Variants in LAMC2 observed in about 807,000 individuals in gnomAD.
The protein encoded by LAMC2 is laminin subunit gamma 2.
A neutral mutation model predicts 140.2 loss-of-function variants in LAMC2; 97 were observed. The observed-to-expected ratio is 0.69, with a 90% confidence interval of 0.59 to 0.82. The LOEUF (loss-of-function observed/expected upper bound fraction) is 0.82. LAMC2 is among the 40% of genes least tolerant of loss of function. The probability of loss-of-function intolerance (pLI) is 0.00; values close to 1 mark genes in which losing one functional copy is unlikely to be tolerated. For missense variants in LAMC2, 1,402 were observed against 1,476.1 expected (o/e 0.95, Z 0.82); for synonymous variants, 513 against 540.2 (o/e 0.95, Z 0.70).
Position 183,240,122 on chromosome 1 carries a change from G to C in LAMC2, c.3152G>C (p.Ser1051Thr), listed in dbSNP as rs1660085908. 2 of 1,614,220 alleles carry C rather than the reference G, an allele frequency of 1.2e-6. No individual in the cohort carries two copies. Among genetic ancestry groups the C allele is most frequent in the South Asian group, 1.1e-5 (1 of 91,082 alleles). Residue 1051 changes from serine to threonine, a missense_variant, in exon 21 of 23, where the codon AGT becomes ACT. Transcript: ENST00000264144. Reference sequence around the variant, plus strand: ...GAAAAGGGACTGGCCTCTCTGAAGAGTGAGATGAGGGAAGTGGAAGGAGAG... The same window carrying C: ...GAAAAGGGACTGGCCTCTCTGAAGACTGAGATGAGGGAAGTGGAAGGAGAG... ...AMEKGLASLK[S>T]EMREVEGELE...
intron 3 of LAMC2, among the ~76,000 whole-genome samples, chr1:183,216,959 C>T (rs571054831): frequency 1.3e-5 from 2 of 152,226 alleles, no homozygotes; most frequent in African/African-American, 4.8e-5. Context: ...TTCTGAGCAC[C>T]CGGTAGATGC....
chr1:183,223,481 A>T (rs982324000), intron 7 of LAMC2, among the ~76,000 whole-genome samples, 157 bp downstream of exon 7: 2 of 152,192 alleles, frequency 1.3e-5, no homozygotes, highest in African/African-American at 4.8e-5. Flanking sequence ...AAAGGACATG[A>T]TTCCTTCCCT....
Position 183,237,467 on chromosome 1 carries a change from C to G in LAMC2, c.2717C>G (p.Ala906Gly). Residue 906 changes from alanine to glycine, a missense_variant, in exon 18 of 23, where the codon GCA becomes GGA. Coordinates refer to ENST00000264144, the MANE Select transcript of LAMC2 (RefSeq NM_005562.3). ...AATCTGGGAAACTGGAAAGAAGAAGCACAGCAGCTCTTACAGAATGGAAAA... is the reference window on the plus strand; with the variant it reads ...AATCTGGGAAACTGGAAAGAAGAAGGACAGCAGCTCTTACAGAATGGAAAA... The part of the protein sequence containing the change: ...QKNLGNWKEE[A>G]QQLLQNGKSG... 1 of 1,614,130 alleles carries G rather than the reference C, an allele frequency of 6.2e-7. No individual in the cohort carries two copies. Among genetic ancestry groups the G allele is most frequent in the South Asian group, 1.1e-5 (1 of 91,074 alleles).
At chr1:183,238,273 T>C in intron 18 of LAMC2, 34 bp from the exon 19 acceptor site, 1 of 1,499,146 alleles carries the variant, frequency 6.7e-7, no homozygotes, top group Non-Finnish European at 9.3e-7. Context: ...AGGAATGTAC[T>C]TCCTCTAATC....
intron 1 of LAMC2, among the ~76,000 whole-genome samples, chr1:183,203,560 A>G (rs1658790447): frequency 7.0e-6 from 1 of 142,248 alleles, no homozygotes; most frequent in African/African-American, 2.6e-5. Context: ...ATGGTTTGAG[A>G]GAGACCATTT....
At chr1:183,233,331 G>C (rs1441476143) in intron 14 of LAMC2, among the ~76,000 whole-genome samples, 1 of 152,120 alleles carries the variant, frequency 6.6e-6, no homozygotes, top group Non-Finnish European at 1.5e-5. Flanking sequence ...AACAAAGGAA[G>C]AGAGTAGGGA....
At position 183,243,500 on chromosome 1, in the gene LAMC2, G is replaced by T. The variant is rs1660182779; in HGVS notation, c.*100G>T. Reference sequence around the variant, plus strand: ...GGGTGGGATGGGGACATTTGAACATGTTTAATGGGTATGCTCAGGTCAACT... The same window carrying T: ...GGGTGGGATGGGGACATTTGAACATTTTTAATGGGTATGCTCAGGTCAACT... On this transcript the variant is annotated 3_prime_UTR_variant, in exon 23 of 23. Coordinates refer to ENST00000264144, the MANE Select transcript of LAMC2 (RefSeq NM_005562.3). 2 of 1,451,656 alleles carry T rather than the reference G, an allele frequency of 1.4e-6. No homozygotes were observed. Among genetic ancestry groups the T allele is most frequent in the South Asian group, 1.1e-5 (1 of 87,090 alleles). The allele number at this position is 1,451,656 out of a possible 1,614,324, so 89.9% of individuals were successfully genotyped here.
At position 183,237,445 on chromosome 1, in the gene LAMC2, C is replaced by G; in HGVS notation, c.2695C>G (p.Leu899Val). The change falls in exon 18 of 23, where the codon CTG becomes GTG. Residue 899 changes from leucine (L) to valine (V), a missense_variant. Physicochemically the swap from Leu to Val is conservative, Grantham distance 32. Around this residue, in one of 3 missense-constraint regions of LAMC2, gnomAD observed 670 missense variants for 667.2 expected, o/e 1.00. Transcript: ENST00000264144. ...MDEFKRTQKN[L>V]GNWKEEAQQL... ...TGAGTTCAAGCGTACACAGAAGAATCTGGGAAACTGGAAAGAAGAAGCACA... is the reference window on the plus strand; with the variant it reads ...TGAGTTCAAGCGTACACAGAAGAATGTGGGAAACTGGAAAGAAGAAGCACA... The G allele has an allele frequency of 6.2e-7, 1 of 1,614,132 alleles. No homozygotes were observed.
In LAMC2 at chr1:183,207,850, T is replaced by G. The variant is rs1553264607; in HGVS notation, c.80-31T>G. ...TTCCTGAGGTGTTTTTTTTTTTTTT[T>G]GACGATCTCTTTTGTATGCTTCCTC... On this transcript the variant is annotated intron_variant, in intron 1 of 22. Transcript: ENST00000264144. The G allele has an allele frequency of 5.7e-6, 9 of 1,568,794 alleles. No individual in the cohort carries two copies. In the South Asian group the frequency reaches 1.0e-4, roughly 18 times the overall value.
In LAMC2 at chr1:183,190,090, A is replaced by G. The variant is rs1449729617; in HGVS notation, c.79+3659A>G. 3.3e-5 allele frequency among the ~76,000 whole-genome samples: 5 copies of G among 152,198 alleles called. No individual in the cohort carries two copies. In the East Asian group the frequency reaches 7.7e-4, roughly 23 times the overall value. On this transcript the variant is annotated intron_variant, in intron 1 of 22. Transcript: ENST00000264144. ...CTGCCTGGGTTCAAATCCCAGCCCTATCATGTACCATTGTGGCACATTTAT... is the reference window on the plus strand; with the variant it reads ...CTGCCTGGGTTCAAATCCCAGCCCTGTCATGTACCATTGTGGCACATTTAT...
chr1:183,222,302 A>T, intron 6 of LAMC2, 91 bp downstream of exon 6: 1 of 1,445,240 alleles, frequency 6.9e-7, no homozygotes. Context: ...TGGAAACCAT[A>T]TAACTTTGGG....
intron 8 of LAMC2, among the ~76,000 whole-genome samples, chr1:183,226,102 G>T (rs2102228880): frequency 6.7e-6 from 1 of 150,312 alleles, no homozygotes; most frequent in South Asian, 2.1e-4. Flanking sequence ...TATACTCCAT[G>T]CTAGCCTGTC....
chr1:183,225,438 G>A (rs1165770677), intron 7 of LAMC2, among the ~76,000 whole-genome samples, 170 bp from the exon 8 acceptor site: 1 of 152,168 alleles, frequency 6.6e-6, no homozygotes, highest in Non-Finnish European at 1.5e-5. Context: ...CCCATGGAGT[G>A]AGGAAGGTCC....
chr1:183,236,401 A>T (rs2102246736), intron 16 of LAMC2, 59 bp from the exon 17 acceptor site: 1 of 1,525,550 alleles, frequency 6.6e-7, no homozygotes, highest in Non-Finnish European at 8.9e-7. Context: ...AAAAAAAAAA[A>T]AAAAAGAATT....
At chr1:183,190,590 C>T (rs1658300368) in intron 1 of LAMC2, among the ~76,000 whole-genome samples, 1 of 152,258 alleles carries the variant, frequency 6.6e-6, no homozygotes, top group African/African-American at 2.4e-5. Context: ...GATCATCTCT[C>T]ATTTCCCAAT....
At chr1:183,247,544 A>C (rs1571547134), downstream of LAMC2, among the ~76,000 whole-genome samples, 1 of 151,370 alleles carries the variant, frequency 6.6e-6, no homozygotes, top group South Asian at 2.1e-4. Flanking sequence ...AAAAAAAAAA[A>C]GATAAAAGAA....
In LAMC2 at chr1:183,220,813, A is replaced by G; in HGVS notation, c.504-12A>G. The G allele has an allele frequency of 1.2e-6, 2 of 1,613,158 alleles. No individual in the cohort carries two copies. Among genetic ancestry groups the G allele is most frequent in the South Asian group, 2.2e-5 (2 of 91,064 alleles). On this transcript the variant is annotated splice_polypyrimidine_tract_variant and intron_variant, in intron 4 of 22. Transcript: ENST00000264144. The stretch of plus-strand genomic sequence containing the variant: ...AACCTATAATATCCTGATTTCTACA[A>G]TGCCACTGCAGGTGTCGATCAGGTT...
At position 183,244,370 on chromosome 1, in the gene LAMC2, T is replaced by C. The variant is rs1411414877; in HGVS notation, c.*970T>C. On this transcript the variant is annotated 3_prime_UTR_variant, in exon 23 of 23. Transcript: ENST00000264144. ...CTACTCACACTTCAGCTGGGTCACATCCATCCCTCCATTCATCCTTCCATC... is the reference window on the plus strand; with the variant it reads ...CTACTCACACTTCAGCTGGGTCACACCCATCCCTCCATTCATCCTTCCATC... 1 of 152,098 alleles carries C rather than the reference T, an allele frequency of 6.6e-6. No individual in the cohort carries two copies. Among genetic ancestry groups the C allele is most frequent in the Non-Finnish European group, 1.5e-5 (1 of 68,032 alleles). The allele number at this position is 152,098 out of a possible 1,614,324, so 9.4% of individuals were successfully genotyped here.
At position 183,186,339 on chromosome 1, in the gene LAMC2, G is replaced by T. The variant is rs763550550; in HGVS notation, c.-14G>T. The stretch of plus-strand genomic sequence containing the variant: ...CCTGCAGCGGAGACAGAGACTGAGC[G>T]GCCCGGCCCCGCCATGCCTGCGCTC... On this transcript the variant is annotated 5_prime_UTR_variant, in exon 1 of 23. Transcript: ENST00000264144. The T allele has an allele frequency of 1.3e-6, 2 of 1,587,818 alleles. No individual in the cohort carries two copies. The highest frequency in any genetic ancestry group is 1.7e-6 in the Non-Finnish European group (2 of 1,173,728).
Sources: allele counts gnomAD v4.1 joint callset (sites outside exome capture counted in the v4.1 genomes callset), GRCh38; gene constraint gnomAD v4.1.1; regional missense constraint gnomAD v4.1.1; transcripts MANE v1.5; gene names NCBI Gene and HGNC (gene_info 2026-07-23, HGNC 2026-07-21).